UBXN2A: variants seen among roughly 807,000 people sequenced by gnomAD.
UBXN2A encodes UBX domain protein 2A.
Under a neutral mutation model 28.4 loss-of-function variants are expected in UBXN2A, and 28 were observed. The ratio of observed to expected loss-of-function variants is 0.99; its 90% CI spans 0.73 to 1.35. The LOEUF is 1.35. Among genes scored for constraint, UBXN2A ranks in the 40% most tolerant of loss-of-function variants. The pLI, the probability that UBXN2A is intolerant of heterozygous loss-of-function variation, is 0.00. For missense variants in UBXN2A, 253 were observed against 297.9 expected, an observed-to-expected ratio of 0.85 and a Z score of 1.11; for synonymous variants, 97 against 103.6, an observed-to-expected ratio of 0.94 and a Z score of 0.39.
intron 1 of UBXN2A, chr2:23,927,652 T>G: frequency 6.7e-6 from 1 of 148,896 alleles, no homozygotes; most frequent in East Asian, 2.0e-4. Context: ...GGAAACACCA[T>G]GCTAGAACTC....
intron 6 of UBXN2A, 130 bp downstream of exon 6, chr2:23,984,961 G>A (rs1708065404): frequency 2.1e-6 from 2 of 951,454 alleles, no homozygotes; most frequent in African/African-American, 1.8e-5. Context: ...GAGTGCAGTG[G>A]CACAGTCATA....
chr2:23,931,570 C>T (rs530976170), intron 1 of UBXN2A, among the ~76,000 whole-genome samples: 2 of 152,172 alleles, frequency 1.3e-5, no homozygotes, highest in South Asian at 2.1e-4. Flanking sequence ...ACCTGCAGTA[C>T]ATGCAAGAGG....
intron 2 of UBXN2A, among the ~76,000 whole-genome samples, chr2:23,966,014 C>G (rs74597153): frequency 0.022 from 3,323 of 152,120 alleles, 136 homozygotes; most frequent in African/African-American, 0.076. Flanking sequence ...TTCTTAATGC[C>G]TTTGCTACTC....
chr2:23,930,687 AC>A (rs1224859894), intron 1 of UBXN2A, among the ~76,000 whole-genome samples: 1 of 152,086 alleles, frequency 6.6e-6, no homozygotes, highest in African/African-American at 2.4e-5. Context: ...ACATAGTGAC[AC>A]CCCATCTCTA....
chr2:23,932,623 A>G (rs1012310641), intron 1 of UBXN2A, among the ~76,000 whole-genome samples: 4 of 152,184 alleles, frequency 2.6e-5, no homozygotes, highest in African/African-American at 9.7e-5. Flanking sequence ...TACAGCCTGA[A>G]TTCACCAAGG....
upstream of UBXN2A, among the ~76,000 whole-genome samples, chr2:23,938,967 G>A (rs1705621433): frequency 1.3e-5 from 2 of 152,316 alleles, no homozygotes; most frequent in South Asian, 4.1e-4. Flanking sequence ...GGTCTCATGA[G>A]CAGTGAGATT....
At chr2:23,955,355 G>C (rs1706570749) in intron 1 of UBXN2A, among the ~76,000 whole-genome samples, 1 of 152,062 alleles carries the variant, frequency 6.6e-6, no homozygotes, top group Admixed American at 6.6e-5. Flanking sequence ...CTTGTCTTTT[G>C]ATATTTCTGT....
intron 2 of UBXN2A, among the ~76,000 whole-genome samples, chr2:23,966,884 A>G (rs965011710): frequency 1.3e-5 from 2 of 151,100 alleles, no homozygotes; most frequent in African/African-American, 4.9e-5. Context: ...CAGCCTCCCA[A>G]GTAGCTGGGG....
chr2:23,958,332 C>T lies in UBXN2A; in HGVS notation c.18C>T (p.Asn6=), dbSNP rs1558287964. The T allele has an allele frequency of 1.9e-6, 3 of 1,604,332 alleles. No homozygotes were observed. In the South Asian group the frequency reaches 3.4e-5, roughly 18 times the overall value. The change falls in exon 2 of 7, where the codon AAC becomes AAT. Residue 6 remains asparagine (N), a synonymous_variant. Coordinates refer to ENST00000309033, the MANE Select transcript of UBXN2A (RefSeq NM_181713.4). ...GAAAGAGAATGAAAGACGTAGATAA[C>T]CTCAAAAGTATAAAAGAAGAATGGT... The part of the protein sequence containing the change: MKDVD[N]LKSIKEEWVC...
At chr2:23,974,715 C>T (rs966217924) in intron 3 of UBXN2A, among the ~76,000 whole-genome samples, 7 of 152,286 alleles carry the variant, frequency 4.6e-5, no homozygotes, top group Admixed American at 3.9e-4. Context: ...TGGTGGCTTA[C>T]GCCTGTAATC....
chr2:23,984,867 C>CTGAA, intron 6 of UBXN2A, 36 bp downstream of exon 6: 1 of 1,528,262 alleles, frequency 6.5e-7, no homozygotes, highest in Non-Finnish European at 8.7e-7. Context: ...TATTTTTTCA[C>CTGAA]CAAGTTAAAA....
chr2:23,977,112 C>T (rs756340125), intron 4 of UBXN2A, 37 bp downstream of exon 4: 3 of 1,550,576 alleles, frequency 1.9e-6, no homozygotes, highest in South Asian at 1.1e-5. Flanking sequence ...GCCTGTAAAC[C>T]CAAAACTTTG....
At chr2:23,964,134 CA>C (rs70944703) in intron 2 of UBXN2A, among the ~76,000 whole-genome samples, 56,516 of 123,992 alleles carry the variant, frequency 0.46, 11,616 homozygotes, top group East Asian at 0.77. Context: ...GATCCTGTCT[CA>C]AAAAAAAAAA....
chr2:23,964,416 G>A (rs1025426939), intron 2 of UBXN2A, among the ~76,000 whole-genome samples: 4 of 152,118 alleles, frequency 2.6e-5, no homozygotes, highest in Non-Finnish European at 4.4e-5. Flanking sequence ...CACCATGTTG[G>A]TCAGGCTGGT....
At chr2:23,978,833 G>A (rs566238000) in intron 4 of UBXN2A, among the ~76,000 whole-genome samples, 5 of 151,418 alleles carry the variant, frequency 3.3e-5, no homozygotes, top group African/African-American at 7.3e-5. Flanking sequence ...ATCGTGGCAC[G>A]TGCCTGTTAG....
At chr2:23,983,105 C>A in intron 5 of UBXN2A, 72 bp downstream of exon 5, 1 of 1,387,288 alleles carries the variant, frequency 7.2e-7, no homozygotes. Context: ...GTATTTTACC[C>A]ATGTAGACCA....
rs543592686 is a variant in UBXN2A at position 23,999,982 on chromosome 2, T to C, written c.*115T>C. Reference sequence around the variant, plus strand: ...CACTAGACTTTTGGTTCGAGTACTATTGAACTCTCTCCTGATGAGAAGATG... The same window carrying C: ...CACTAGACTTTTGGTTCGAGTACTACTGAACTCTCTCCTGATGAGAAGATG... On this transcript the variant is annotated 3_prime_UTR_variant, in exon 7 of 7. Coordinates refer to ENST00000309033, the MANE Select transcript of UBXN2A (RefSeq NM_181713.4). 6.3e-6 allele frequency: 6 copies of C among 946,804 alleles called. No individual in the cohort carries two copies. In the African/African-American group the frequency reaches 6.6e-5, roughly 10 times the overall value. The allele number at this position is 946,804 out of a possible 1,614,324, so 58.7% of individuals were successfully genotyped here. A position where few individuals can be genotyped will look rare whatever the true frequency, so the allele number is the denominator to read the frequency against.
At chr2:23,997,261 T>C (rs1708577231) in intron 6 of UBXN2A, among the ~76,000 whole-genome samples, 1 of 152,144 alleles carries the variant, frequency 6.6e-6, no homozygotes, top group South Asian at 2.1e-4. Flanking sequence ...TATTAGTCTC[T>C]TTAAATACTA....
chr2:23,987,786 A>G (rs1417492601), intron 6 of UBXN2A, among the ~76,000 whole-genome samples: 3 of 151,436 alleles, frequency 2.0e-5, no homozygotes, highest in Non-Finnish European at 4.4e-5. Flanking sequence ...TCAAAAAAAA[A>G]AAAAACAAAA....
Sources: allele counts gnomAD v4.1 joint callset (sites outside exome capture counted in the v4.1 genomes callset), GRCh38; gene constraint gnomAD v4.1.1; transcripts MANE v1.5; gene names NCBI Gene and HGNC (gene_info 2026-07-23, HGNC 2026-07-21).